RTF1: variants seen among roughly 807,000 people sequenced by gnomAD.
RTF1 encodes RNA polymerase-associated protein RTF1 homolog.
Under a neutral mutation model 95.7 loss-of-function variants are expected in RTF1, and 10 were observed. That is an observed-to-expected ratio of 0.10 (90% CI 0.06 to 0.18). The LOEUF (loss-of-function observed/expected upper bound fraction) is 0.18, where lower values mean the gene tolerates loss of function less well. Ranked by LOEUF, RTF1 falls within the 10% of genes least tolerant of loss-of-function variation. The pLI, the probability that RTF1 is intolerant of heterozygous loss-of-function variation, is 1.00. For missense variants in RTF1, 458 were observed against 875.6 expected, an observed-to-expected ratio of 0.52 and a Z score of 6.02; for synonymous variants, 305 against 311.8, an observed-to-expected ratio of 0.98 and a Z score of 0.23.
intron 14 of RTF1, 122 bp from the exon 15 acceptor site, chr15:41,478,426 G>T: frequency 2.8e-6 from 2 of 725,736 alleles, no homozygotes; most frequent in Non-Finnish European, 4.6e-6. Context: ...AAAAAAAAAA[G>T]GAAAAGGATA....
intron 2 of RTF1, among the ~76,000 whole-genome samples, chr15:41,439,052 A>G (rs1363231108): frequency 6.8e-6 from 1 of 147,600 alleles, no homozygotes; most frequent in East Asian, 2.0e-4. Context: ...TTTTTTTTCA[A>G]GACAGAGTCT....
chr15:41,465,300 G>A (rs1409562947), intron 5 of RTF1, among the ~76,000 whole-genome samples: 5 of 151,986 alleles, frequency 3.3e-5, no homozygotes, highest in Non-Finnish European at 1.5e-5. Flanking sequence ...GAGTTGCTGA[G>A]ACTACAGGCA....
chr15:41,433,850 T>A (rs2050688156), intron 1 of RTF1, among the ~76,000 whole-genome samples: 3 of 150,482 alleles, frequency 2.0e-5, no homozygotes, highest in African/African-American at 7.3e-5. Context: ...ACACTTTTTT[T>A]TTTTTTTTTT....
intron 2 of RTF1, among the ~76,000 whole-genome samples, chr15:41,441,842 C>T (rs1173382509): frequency 6.6e-6 from 1 of 152,192 alleles, no homozygotes; most frequent in African/African-American, 2.4e-5. Flanking sequence ...ACTCCAGTCC[C>T]TCTCTCACGA....
intron 2 of RTF1, among the ~76,000 whole-genome samples, chr15:41,439,799 G>A (rs1175401889): frequency 6.6e-6 from 1 of 151,942 alleles, no homozygotes; most frequent in Non-Finnish European, 1.5e-5. Context: ...CTACAAGCAC[G>A]CACCACAGTG....
At chr15:41,445,163 C>T (rs929813622) in intron 2 of RTF1, among the ~76,000 whole-genome samples, 8 of 151,998 alleles carry the variant, frequency 5.3e-5, no homozygotes. Flanking sequence ...TCTTGATCTC[C>T]TGACCTCGTG....
At chr15:41,422,247 C>T (rs1428061776) in intron 1 of RTF1, among the ~76,000 whole-genome samples, 1 of 152,140 alleles carries the variant, frequency 6.6e-6, no homozygotes, top group Non-Finnish European at 1.5e-5. Flanking sequence ...AGACTGGTCT[C>T]TAACTCCTGG....
intron 1 of RTF1, among the ~76,000 whole-genome samples, chr15:41,435,788 A>G (rs1391082687): frequency 6.6e-6 from 1 of 152,212 alleles, no homozygotes; most frequent in Non-Finnish European, 1.5e-5. Flanking sequence ...CTGTCTTGGC[A>G]CTTGATCCAT....
intron 6 of RTF1, among the ~76,000 whole-genome samples, chr15:41,468,057 T>TG (rs1386980614): frequency 1.3e-5 from 2 of 151,828 alleles, no homozygotes; most frequent in Non-Finnish European, 2.9e-5. Context: ...CCCAGCTACT[T>TG]GTGGGGCTGA....
At chr15:41,437,844 T>C (rs2050712714) in intron 1 of RTF1, among the ~76,000 whole-genome samples, 1 of 152,178 alleles carries the variant, frequency 6.6e-6, no homozygotes, top group Non-Finnish European at 1.5e-5. Flanking sequence ...CACTGGACAC[T>C]TTTTTTCTGG....
intron 5 of RTF1, among the ~76,000 whole-genome samples, chr15:41,465,188 C>G (rs1318333721): frequency 6.6e-6 from 1 of 150,628 alleles, no homozygotes; most frequent in Non-Finnish European, 1.5e-5. Flanking sequence ...TCTTCCCTTT[C>G]CCTGGTCTCA....
intron 8 of RTF1, among the ~76,000 whole-genome samples, chr15:41,474,168 C>T (rs1595440417): frequency 1.3e-5 from 2 of 152,200 alleles, no homozygotes; most frequent in African/African-American, 4.8e-5. Flanking sequence ...TGAACCTCGG[C>T]GCCCAGCCTG....
At chr15:41,427,172 G>C (rs1460494204) in intron 1 of RTF1, among the ~76,000 whole-genome samples, 11 of 97,740 alleles carry the variant, frequency 1.1e-4, no homozygotes, top group African/African-American at 4.6e-4. Flanking sequence ...TTTTTTTTGA[G>C]ACAGAGTCTT....
chr15:41,471,447 A>T (rs2050911177), intron 8 of RTF1, 98 bp downstream of exon 8: 7 of 1,245,790 alleles, frequency 5.6e-6, no homozygotes, highest in Non-Finnish European at 6.6e-6. Context: ...CTCTTCTCTC[A>T]GCATTTGATG....
In RTF1 at chr15:41,483,189, T is replaced by C. The variant is rs997598968; in HGVS notation, c.*2502T>C. 1 of 152,588 alleles carries C rather than the reference T, an allele frequency of 6.6e-6. No individual in the cohort carries two copies. The highest frequency in any genetic ancestry group is 1.5e-5 in the Non-Finnish European group (1 of 68,032). The allele number at this position is 152,588 out of a possible 1,614,324, so 9.5% of individuals were successfully genotyped here. ...CAGTGCCTCTGAACCAAGATCTTGG[T>C]CAGGCATTAAGACACTGGCTTTGTC... On this transcript the variant is annotated 3_prime_UTR_variant, in exon 18 of 18. Coordinates refer to ENST00000389629, the MANE Select transcript of RTF1 (RefSeq NM_015138.5).
chr15:41,460,169 C>T (rs1050268168), intron 4 of RTF1, among the ~76,000 whole-genome samples: 19 of 149,624 alleles, frequency 1.3e-4, no homozygotes, highest in African/African-American at 4.7e-4. Flanking sequence ...GTTGCCCAGG[C>T]TGGAGTGCAA....
rs533241027 is a variant in RTF1 at position 41,464,769 on chromosome 15, A to G, written c.663-2A>G. On this transcript the variant is annotated splice_acceptor_variant, in intron 4 of 17. Coordinates refer to ENST00000389629, the MANE Select transcript of RTF1 (RefSeq NM_015138.5). LOFTEE classifies it high-confidence loss of function. Reference sequence around the variant, plus strand: ...CTTAAAAACCAAATATCTTTTAACCAGATTTGAAATCAAGAAAAAACTAAA... The same window carrying G: ...CTTAAAAACCAAATATCTTTTAACCGGATTTGAAATCAAGAAAAAACTAAA... The G allele has an allele frequency of 6.4e-7, 1 of 1,556,368 alleles. No homozygotes were observed. Among genetic ancestry groups the G allele is most frequent in the Non-Finnish European group, 8.7e-7 (1 of 1,151,920 alleles).
chr15:41,476,628 T>C, intron 12 of RTF1, 105 bp downstream of exon 12: 1 of 1,057,848 alleles, frequency 9.5e-7, no homozygotes, highest in East Asian at 2.5e-5. Flanking sequence ...GGGAGAAAAT[T>C]CTGGGCTCGA....
At chr15:41,475,478 C>A (rs780308940) in intron 9 of RTF1, 47 bp from the exon 10 acceptor site, 6 of 1,492,642 alleles carry the variant, frequency 4.0e-6, no homozygotes, top group Non-Finnish European at 4.7e-6. Flanking sequence ...GCTTGTACTA[C>A]AGTCAACATG....
Sources: gnomAD v4.1 joint callset for allele counts (sites outside exome capture counted in the v4.1 genomes callset) on GRCh38, gnomAD v4.1.1 for gene constraint, MANE v1.5 for transcripts, NCBI Gene and HGNC (gene_info 2026-07-23, HGNC 2026-07-21) for gene names.